The following RNGTT variants were observed in gnomAD, a reference collection of about 807,000 sequenced individuals.
RNGTT encodes mRNA-capping enzyme.
RNGTT carries 33 observed loss-of-function variants against 79.3 expected under a neutral mutation model. The observed-to-expected ratio is 0.42, with a 90% CI of 0.32 to 0.56. The LOEUF is 0.56. Ranked by LOEUF, RNGTT falls within the 20% of genes least tolerant of loss-of-function variation. The pLI is 0.17. For missense variants in RNGTT, 497 were observed against 739.1 expected (o/e 0.67, Z 3.80); for synonymous variants, 222 against 235.9 (o/e 0.94, Z 0.54).
intron 14 of RNGTT, among the ~76,000 whole-genome samples, chr6:88,671,637 G>A: frequency 6.6e-6 from 1 of 152,118 alleles, no homozygotes; most frequent in Non-Finnish European, 1.5e-5. Flanking sequence ...AAAAGAGCCT[G>A]CAAAGCCAAA....
chr6:88,943,007 T>C (rs927087452), intron 1 of RNGTT, among the ~76,000 whole-genome samples: 7 of 152,218 alleles, frequency 4.6e-5, no homozygotes, highest in Admixed American at 6.5e-5. Context: ...CCTCTCACCC[T>C]GACTCCTCTA....
intron 12 of RNGTT, among the ~76,000 whole-genome samples, chr6:88,778,531 G>C (rs1778964500): frequency 6.6e-6 from 1 of 152,106 alleles, no homozygotes; most frequent in Non-Finnish European, 1.5e-5. Flanking sequence ...GCCCAAGCTA[G>C]AATGCAGTGG....
chr6:88,670,416 C>T (rs1039176220), intron 14 of RNGTT, among the ~76,000 whole-genome samples: 36 of 152,132 alleles, frequency 2.4e-4, no homozygotes, highest in Admixed American at 1.9e-3. Flanking sequence ...ACATGAATCA[C>T]TATCGGTCTG....
intron 14 of RNGTT, among the ~76,000 whole-genome samples, chr6:88,629,730 C>G (rs2127768756): frequency 6.6e-6 from 1 of 152,262 alleles, no homozygotes; most frequent in African/African-American, 2.4e-5. Context: ...CCACTATTTT[C>G]TGGAAAGTTG....
At chr6:88,831,421 G>A (rs1340548163) in intron 11 of RNGTT, among the ~76,000 whole-genome samples, 1 of 152,086 alleles carries the variant, frequency 6.6e-6, no homozygotes. Flanking sequence ...AATAGACTAG[G>A]TACTGATGGA....
At position 88,960,303 on chromosome 6, in the gene RNGTT, C is replaced by T. The variant is rs1179534726; in HGVS notation, c.64+3043G>A. ...AAAATCACCATCACTATCACCATCA[C>T]ACTATCCTGAGTACCTGGGACCACA... On this transcript the variant is annotated intron_variant, in intron 1 of 15. Coordinates refer to ENST00000369485, the MANE Select transcript of RNGTT (RefSeq NM_003800.5). Among the ~76,000 whole-genome samples the T allele has an allele frequency of 3.3e-5, 5 of 152,272 alleles. No homozygotes were observed. The East Asian group carries it at 9.6e-4, about 29-fold the overall frequency.
At chr6:88,653,411 T>TCGAAATTTCCAGCTAAGAAAAATG (rs1342900207) in intron 14 of RNGTT, among the ~76,000 whole-genome samples, 47 of 152,316 alleles carry the variant, frequency 3.1e-4, no homozygotes, top group African/African-American at 1.1e-3. Flanking sequence ...TCAAAAGTCA[T>TCGAAATTTCCAGCTAAGAAAAATG]CGAAATTTCC....
At chr6:88,920,880 T>G (rs1784142593) in intron 4 of RNGTT, among the ~76,000 whole-genome samples, 1 of 152,204 alleles carries the variant, frequency 6.6e-6, no homozygotes, top group African/African-American at 2.4e-5. Flanking sequence ...CCTAGTGATA[T>G]ATATATATTT....
chr6:88,824,118 TAC>T (rs1780579953), intron 11 of RNGTT, among the ~76,000 whole-genome samples: 1 of 152,170 alleles, frequency 6.6e-6, no homozygotes, highest in Admixed American at 6.6e-5. Flanking sequence ...AATTTAAAAA[TAC>T]AGTTATGCAT....
chr6:88,734,382 A>C (rs1035519749), intron 13 of RNGTT, among the ~76,000 whole-genome samples: 1 of 152,126 alleles, frequency 6.6e-6, no homozygotes, highest in Non-Finnish European at 1.5e-5. Context: ...TCAACCAGAG[A>C]TGTCAGAAAA....
chr6:88,913,348 C>T (rs1783898216), intron 4 of RNGTT, among the ~76,000 whole-genome samples: 1 of 151,948 alleles, frequency 6.6e-6, no homozygotes, highest in Admixed American at 6.6e-5. Flanking sequence ...GGACCCCTTC[C>T]TAACTCATTC....
chr6:88,844,283 G>A (rs1781413525), intron 11 of RNGTT, 74 bp downstream of exon 11: 1 of 1,404,522 alleles, frequency 7.1e-7, no homozygotes. Context: ...GCAGCAAAAT[G>A]TCATTCATAT....
At chr6:88,895,371 G>A (rs1470460932) in intron 6 of RNGTT, among the ~76,000 whole-genome samples, 1 of 152,040 alleles carries the variant, frequency 6.6e-6, no homozygotes, top group African/African-American at 2.4e-5. Context: ...TCAGACATCA[G>A]TTCAAGGAGT....
chr6:88,877,574 G>C (rs183171840), intron 8 of RNGTT, among the ~76,000 whole-genome samples: 2 of 152,234 alleles, frequency 1.3e-5, no homozygotes, highest in Admixed American at 6.5e-5. Context: ...GGTAACCTCA[G>C]ACGCCACACC....
intron 4 of RNGTT, among the ~76,000 whole-genome samples, chr6:88,920,820 G>A (rs1784140689): frequency 6.6e-6 from 1 of 152,120 alleles, no homozygotes; most frequent in African/African-American, 2.4e-5. Flanking sequence ...GAACTGATAA[G>A]AAAAACTTCT....
chr6:88,960,843 T>C (rs1562094395), intron 1 of RNGTT, among the ~76,000 whole-genome samples: 1 of 152,244 alleles, frequency 6.6e-6, no homozygotes. Context: ...CTTCTAGTAC[T>C]AGTAAAGTGA....
chr6:88,615,662 G>A (rs1005090437), intron 14 of RNGTT, among the ~76,000 whole-genome samples: 7 of 152,146 alleles, frequency 4.6e-5, no homozygotes, highest in African/African-American at 1.7e-4. Context: ...GGTAAACACA[G>A]TTTTGCTATA....
At chr6:88,774,944 T>G (rs552356414) in intron 12 of RNGTT, among the ~76,000 whole-genome samples, 88 of 152,224 alleles carry the variant, frequency 5.8e-4, no homozygotes, top group Middle Eastern at 6.8e-3. Context: ...TAAAAATTAT[T>G]TTAATAAACA....
chr6:88,880,969 T>C (rs1365440741), intron 8 of RNGTT, among the ~76,000 whole-genome samples: 1 of 152,186 alleles, frequency 6.6e-6, no homozygotes, highest in Non-Finnish European at 1.5e-5. Context: ...TACAAGACAG[T>C]TCAATTCCAA....
Sources: allele counts gnomAD v4.1 joint callset (sites outside exome capture counted in the v4.1 genomes callset), GRCh38; gene constraint gnomAD v4.1.1; transcripts MANE v1.5; gene names NCBI Gene and HGNC (gene_info 2026-07-23, HGNC 2026-07-21).